EHMT1: variants seen among roughly 807,000 people sequenced by gnomAD.
EHMT1 encodes the protein euchromatic histone lysine methyltransferase 1.
In EHMT1, 15 loss-of-function variants were observed where a neutral mutation model predicts 147.2. The observed-to-expected ratio is 0.10, with a 90% confidence interval of 0.07 to 0.16. The LOEUF is 0.16. Among genes scored for constraint, EHMT1 ranks in the 10% least tolerant of loss-of-function variants. EHMT1 has a pLI of 1.00. For synonymous variants in EHMT1, 795 were observed against 709.6 expected (o/e 1.12, Z -1.91); for missense variants, 1,587 against 1,772.4 (o/e 0.90, Z 1.88).
chr9:137,716,654 A>G lies in EHMT1; in HGVS notation c.114A>G (p.Ser38=). ...CACCTATGGCTGCCGATGAAGGCTCAGCAGAGAAACAGGCAGGAGAGGCCC... is the reference window on the plus strand; with the variant it reads ...CACCTATGGCTGCCGATGAAGGCTCGGCAGAGAAACAGGCAGGAGAGGCCC... ...EETPMAADEG[S]AEKQAGEAHM... is the part of the protein sequence containing the mutation. The change falls in exon 3 of 27, where the codon TCA becomes TCG. Residue 38 remains serine (S), a synonymous_variant. Coordinates refer to ENST00000460843, the MANE Select transcript of EHMT1 (RefSeq NM_024757.5). 1.9e-6 allele frequency: 3 copies of G among 1,588,440 alleles called. No homozygotes were observed. Among genetic ancestry groups the G allele is most frequent in the South Asian group, 1.1e-5 (1 of 88,600 alleles).
intron 3 of EHMT1, among the ~76,000 whole-genome samples, chr9:137,722,756 C>T (rs1477453480): frequency 6.6e-6 from 1 of 150,560 alleles, no homozygotes; most frequent in Admixed American, 6.6e-5. Context: ...AGGGTGCCTG[C>T]CCTGCACCCG....
At chr9:137,785,147 G>C (rs1441317264) in intron 15 of EHMT1, 1 of 154,018 alleles carries the variant, frequency 6.5e-6, no homozygotes, top group East Asian at 1.9e-4. Flanking sequence ...TGGGGCTCGA[G>C]AGCAGATGCT....
intron 9 of EHMT1, among the ~76,000 whole-genome samples, chr9:137,759,088 C>T (rs1361885345): frequency 1.3e-5 from 2 of 152,046 alleles, no homozygotes; most frequent in Non-Finnish European, 2.9e-5. Flanking sequence ...GATGGCACCA[C>T]TGCACTCCAG....
intron 15 of EHMT1, chr9:137,784,340 T>A: frequency 2.3e-6 from 3 of 1,294,620 alleles, no homozygotes; most frequent in Non-Finnish European, 2.9e-6. Context: ...AGGCCCAGCC[T>A]CAAAACCTCA....
In EHMT1 at chr9:137,818,093, C is replaced by A; in HGVS notation, c.3495C>A (p.Ala1165=). The change falls in exon 25 of 27, where the codon GCC becomes GCA. Residue 1165 remains alanine, a synonymous_variant. Transcript: ENST00000460843. ...GGGAGCTGATTTCAGACTCAGAAGC[C>A]GACGTTCGAGAGGAAGATTCTTACC... The part of the protein sequence containing the change: ...YVGELISDSE[A]DVREEDSYLF... 3.7e-6 allele frequency: 6 copies of A among 1,614,120 alleles called. No individual in the cohort carries two copies. Among genetic ancestry groups the A allele is most frequent in the Non-Finnish European group, 5.1e-6 (6 of 1,180,028 alleles).
intron 6 of EHMT1, chr9:137,746,739 C>T (rs900923944): frequency 6.6e-6 from 1 of 152,206 alleles, no homozygotes; most frequent in African/African-American, 2.4e-5. Flanking sequence ...GGTTTCAGCT[C>T]CACTTACTGA....
chr9:137,631,830 T>C (rs1843650019), intron 1 of EHMT1, among the ~76,000 whole-genome samples: 1 of 152,164 alleles, frequency 6.6e-6, no homozygotes, highest in African/African-American at 2.4e-5. Context: ...GTGAACCGTG[T>C]TGGTGCCACT....
At chr9:137,701,224 A>G (rs1056427031) in intron 1 of EHMT1, among the ~76,000 whole-genome samples, 2 of 151,576 alleles carry the variant, frequency 1.3e-5, no homozygotes, top group African/African-American at 4.8e-5. Context: ...AGAGCAAACC[A>G]TATCATTTTG....
At chr9:137,834,204 C>G (rs1956431661) in intron 25 of EHMT1, 145 bp from the exon 26 acceptor site, 1 of 1,098,238 alleles carries the variant, frequency 9.1e-7, no homozygotes, top group African/African-American at 1.6e-5. Context: ...GCACCGCCGC[C>G]ACAGGTCACT....
At position 137,828,364 on chromosome 9, in the gene EHMT1, C is replaced by T. The variant is rs1955961783; in HGVS notation, c.3541-5985C>T. Among the ~76,000 whole-genome samples the T allele has an allele frequency of 6.6e-6, 1 of 151,342 alleles. No homozygotes were observed. The highest frequency in any genetic ancestry group is 1.5e-5 in the Non-Finnish European group (1 of 67,832). On this transcript the variant is annotated intron_variant, in intron 25 of 26. Transcript: ENST00000460843. This position sits in a 1 kb window ranked among gnomAD's most constrained non-coding sequence, Gnocchi z 5.3. ...GGGGGCAGCACATGCCAGGCTGCCA[C>T]ATGTGTGTGTGGCCTCAGGGAGTCT...
At chr9:137,642,927 G>A (rs1844599032) in intron 1 of EHMT1, among the ~76,000 whole-genome samples, 1 of 152,136 alleles carries the variant, frequency 6.6e-6, no homozygotes, top group African/African-American at 2.4e-5. Context: ...TGTCACCCAG[G>A]TGGGAGTACA....
At chr9:137,620,701 C>A (rs1486677015) in intron 1 of EHMT1, among the ~76,000 whole-genome samples, 1 of 152,118 alleles carries the variant, frequency 6.6e-6, no homozygotes, top group Non-Finnish European at 1.5e-5. Context: ...CCTGTTGTTT[C>A]CTGTTTAGCT....
At chr9:137,631,987 G>T (rs2987621) in intron 1 of EHMT1, among the ~76,000 whole-genome samples, 1 of 150,780 alleles carries the variant, frequency 6.6e-6, no homozygotes, top group Non-Finnish European at 1.5e-5. Flanking sequence ...GTGTTCAGAC[G>T]CACATGTGTC....
chr9:137,647,031 T>C (rs1236223621), intron 1 of EHMT1, among the ~76,000 whole-genome samples: 2 of 152,168 alleles, frequency 1.3e-5, no homozygotes, highest in Non-Finnish European at 2.9e-5. Context: ...GCATTTGTTA[T>C]CATAATTCAA....
intron 1 of EHMT1, among the ~76,000 whole-genome samples, chr9:137,654,766 G>A (rs952691152): frequency 2.0e-5 from 3 of 152,124 alleles, no homozygotes; most frequent in Non-Finnish European, 4.4e-5. Context: ...GGCATTATCT[G>A]GACAGACACC....
At chr9:137,652,774 G>C (rs554608937) in intron 1 of EHMT1, among the ~76,000 whole-genome samples, 30 of 150,430 alleles carry the variant, frequency 2.0e-4, no homozygotes, top group African/African-American at 7.1e-4. Flanking sequence ...TGCCCAGGCT[G>C]GAGTGCAGTG....
chr9:137,830,109 T>G (rs1291643298), intron 25 of EHMT1, among the ~76,000 whole-genome samples: 1 of 145,136 alleles, frequency 6.9e-6, no homozygotes, highest in Non-Finnish European at 1.5e-5. Context: ...ACTTTTTTTT[T>G]TTGTTTACAT....
intron 1 of EHMT1, among the ~76,000 whole-genome samples, chr9:137,645,662 T>C (rs1844832236): frequency 6.6e-6 from 1 of 152,118 alleles, no homozygotes; most frequent in Admixed American, 6.6e-5. Flanking sequence ...CACAAGTGTC[T>C]TTTTCACTCG....
chr9:137,834,794 C>T lies in EHMT1; in HGVS notation c.3738C>T (p.Phe1246=), dbSNP rs765132574. 1.7e-5 allele frequency: 27 copies of T among 1,613,108 alleles called. No individual in the cohort carries two copies. The highest frequency in any genetic ancestry group is 2.2e-5 in the Non-Finnish European group (26 of 1,179,744). ...CCAGGTTTGACTATGGAGAGCGCTT[C>T]TGGGACATCAAAGGCAAGCTCTTCA... ...EQLGFDYGER[F]WDIKGKLFSC... is the part of the protein sequence containing the mutation. The change falls in exon 27 of 27, where the codon TTC becomes TTT. Residue 1246 remains phenylalanine, a synonymous_variant. Transcript: ENST00000460843.
Sources: gnomAD v4.1 joint callset for allele counts (sites outside exome capture counted in the v4.1 genomes callset) on GRCh38, gnomAD v4.1.1 for gene constraint, Gnocchi (gnomAD v3.1) non-coding constraint, MANE v1.5 for transcripts, NCBI Gene and HGNC (gene_info 2026-07-23, HGNC 2026-07-21) for gene names.